IL31RA: variants seen among roughly 807,000 people sequenced by gnomAD.
IL31RA encodes interleukin-31 receptor subunit alpha.
Under a neutral mutation model 83.7 loss-of-function variants are expected in IL31RA, and 66 were observed. The observed-to-expected ratio is 0.79, with a 90% CI of 0.65 to 0.97. The LOEUF is 0.97. Among genes scored for constraint, IL31RA ranks in the 50% least tolerant of loss-of-function variants. The probability of loss-of-function intolerance (pLI) is 0.00; values close to 1 mark genes in which losing one functional copy is unlikely to be tolerated. For synonymous variants in IL31RA, 325 were observed against 329.0 expected, an observed-to-expected ratio of 0.99 and a Z score of 0.13; for missense variants, 798 against 919.4, an observed-to-expected ratio of 0.87 and a Z score of 1.71.
rs115526426 is a variant in IL31RA, at chr5:55,902,109, C to A, written c.1069+1977C>A. ...TCAGGTATTGGCACACTGCAGCTTG[C>A]AGGTTAAATCTGGTTGGACACTTGT... On this transcript the variant is annotated intron_variant, in intron 8 of 14. Coordinates refer to ENST00000652347, the MANE Select transcript of IL31RA (RefSeq NM_139017.7). 4.9e-3 allele frequency among the ~76,000 whole-genome samples: 746 copies of A among 152,218 alleles called. 12 individuals carry two copies. Among genetic ancestry groups the A allele is most frequent in the African/African-American group, 0.017 (714 of 41,530 alleles).
chr5:55,841,396 AT>A, the IL31RA span, among the ~76,000 whole-genome samples: 1 of 152,238 alleles, frequency 6.6e-6, no homozygotes, highest in Non-Finnish European at 1.5e-5. Context: ...ATCAGGGATC[AT>A]TTGGTTGCAA....
rs769003360 is a variant in IL31RA, at chr5:55,883,070, C to T, written c.481C>T (p.Arg161Cys). 19 of 1,613,876 alleles carry T rather than the reference C, an allele frequency of 1.2e-5. No individual in the cohort carries two copies. Among genetic ancestry groups the T allele is most frequent in the South Asian group, 2.2e-5 (2 of 91,078 alleles). The change falls in exon 5 of 15, where the codon CGT becomes TGT. Residue 161 changes from arginine to cysteine, a missense_variant. Coordinates refer to ENST00000652347, the MANE Select transcript of IL31RA (RefSeq NM_139017.7). ...GAAAACTGAACCACCTAAGATTTTCCGTGTGAAACCAGTTTTGGGCATCAA... is the reference window on the plus strand; with the variant it reads ...GAAAACTGAACCACCTAAGATTTTCTGTGTGAAACCAGTTTTGGGCATCAA... ...IAKTEPPKIFRVKPVLGIKRM... is the reference protein window; with the variant it reads ...IAKTEPPKIFCVKPVLGIKRM...
At chr5:55,851,300 TA>T, upstream of IL31RA, 1 of 529,574 alleles carries the variant, frequency 1.9e-6, no homozygotes. Context: ...CTAATAACAG[TA>T]CTATGACTCA....
rs1749700264 is a variant in IL31RA at position 55,914,898 on chromosome 5, T to TTGGC, written c.1788_1789insTGGC (p.Ile597TrpfsTer9). On this transcript the variant is annotated frameshift_variant, in exon 14 of 15. Coordinates refer to ENST00000652347, the MANE Select transcript of IL31RA (RefSeq NM_139017.7). LOFTEE classifies it low-confidence loss of function (END_TRUNC). The stretch of plus-strand genomic sequence containing the variant: ...CCGTTCCCAACCCTGCTGAAAGTAG[T>TTGGC]ATAGCCACATGGCATGGAGATGATT... The TTGGC allele has an allele frequency of 6.2e-7, 1 of 1,613,382 alleles. No homozygotes were observed. Among genetic ancestry groups the TTGGC allele is most frequent in the African/African-American group, 1.3e-5 (1 of 74,918 alleles).
rs1745170314 is a variant in IL31RA, at chr5:55,853,413, A to C, written c.63+1780A>C. 7.6e-6 allele frequency: 11 copies of C among 1,441,116 alleles called. 1 individual carries two copies. In the South Asian group the frequency reaches 1.7e-4, roughly 23 times the overall value. The allele number at this position is 1,441,116 out of a possible 1,614,324, so 89.3% of individuals were successfully genotyped here. On this transcript the variant is annotated intron_variant, in intron 1 of 14. Coordinates refer to ENST00000652347, the MANE Select transcript of IL31RA (RefSeq NM_139017.7). Reference sequence around the variant, plus strand: ...AAAAGCACAAGAAAAGCTCGCAGACAATCAGAGTGGAAACACTCCCACATC... The same window carrying C: ...AAAAGCACAAGAAAAGCTCGCAGACCATCAGAGTGGAAACACTCCCACATC...
In IL31RA at chr5:55,906,157, T is replaced by C. The variant is rs1228923393; in HGVS notation, c.1121T>C (p.Val374Ala). The change falls in exon 9 of 15, where the codon GTG becomes GCG. Residue 374 changes from valine to alanine, a missense_variant. By Grantham distance (64) the Val-to-Ala change is moderately conservative (BLOSUM62 0). Coordinates refer to ENST00000652347, the MANE Select transcript of IL31RA (RefSeq NM_139017.7). ...MQACVAEDQL[V>A]VKWQSSALDV... The stretch of plus-strand genomic sequence containing the variant: ...GCCTGCGTTGCTGAGGACCAGCTAG[T>C]GGTGAAGTGGCAAAGCTCTGCTCTA... The C allele has an allele frequency of 3.7e-6, 6 of 1,613,708 alleles. No homozygotes were observed. Among genetic ancestry groups the C allele is most frequent in the Non-Finnish European group, 5.1e-6 (6 of 1,180,012 alleles).
chr5:55,908,974 A>G, intron 11 of IL31RA: 1 of 808,984 alleles, frequency 1.2e-6, no homozygotes, highest in Non-Finnish European at 1.6e-6. Flanking sequence ...TTGTGCAACC[A>G]TCACCACTAT....
In IL31RA at chr5:55,867,271, G is replaced by GTT. The variant is rs1746215856; in HGVS notation, c.155-1519_155-1518insTT. Among the ~76,000 whole-genome samples the GTT allele has an allele frequency of 1.1e-3, 121 of 109,056 alleles. 4 individuals are homozygous for GTT. Among genetic ancestry groups the GTT allele is most frequent in the Middle Eastern group, 9.2e-3 (2 of 218 alleles). 71.5% of individuals were successfully genotyped at this position (109,056 alleles called of 152,430 possible). A position where few individuals can be genotyped will look rare whatever the true frequency, so the allele number is the denominator to read the frequency against. On this transcript the variant is annotated intron_variant, in intron 2 of 14. Transcript: ENST00000652347. ...TGTGTGTGCGTGTGTTTGTGTGCGT[G>GTT]TGTGTGCATGTGTGTGTGCATGTGT... is the stretch of plus-strand genomic sequence containing the variant.
At chr5:55,878,728 A>AT (rs1282394599) in intron 4 of IL31RA, among the ~76,000 whole-genome samples, 1 of 151,884 alleles carries the variant, frequency 6.6e-6, no homozygotes, top group Non-Finnish European at 1.5e-5. Flanking sequence ...ATCATAGCTC[A>AT]TGGCAACCTC....
chr5:55,846,261 C>T, the IL31RA span, among the ~76,000 whole-genome samples: 1 of 152,280 alleles, frequency 6.6e-6, no homozygotes, highest in African/African-American at 2.4e-5. Context: ...AGATTTATGC[C>T]ATTTAAGCTC....
intron 7 of IL31RA, among the ~76,000 whole-genome samples, chr5:55,898,039 T>TGCTG (rs2112513129): frequency 1.3e-5 from 2 of 152,348 alleles, no homozygotes; most frequent in South Asian, 4.1e-4. Flanking sequence ...GCGGAGGCGG[T>TGCTG]GCTGCCGCCG....
At position 55,917,713 on chromosome 5, in the gene IL31RA, A is replaced by G. The variant is rs544982911; in HGVS notation, c.*593A>G. Among the ~76,000 whole-genome samples, 1 of 152,274 alleles carries G rather than the reference A, an allele frequency of 6.6e-6. No homozygotes were observed. The highest frequency in any genetic ancestry group is 1.5e-5 in the Non-Finnish European group (1 of 68,026). On this transcript the variant is annotated 3_prime_UTR_variant, in exon 15 of 15. Coordinates refer to ENST00000652347, the MANE Select transcript of IL31RA (RefSeq NM_139017.7). Reference sequence around the variant, plus strand: ...ATCCTCTTAGATCTCAAGTGCCTGTAGCAACACCGCACCTGAGAATCCTCA... The same window carrying G: ...ATCCTCTTAGATCTCAAGTGCCTGTGGCAACACCGCACCTGAGAATCCTCA...
intron 3 of IL31RA, 59 bp downstream of exon 3, chr5:55,868,967 T>C: frequency 1.1e-6 from 1 of 942,768 alleles, no homozygotes; most frequent in South Asian, 1.3e-5. Flanking sequence ...AGGCTTCTGA[T>C]TCATTCATGA....
Position 55,922,525 on chromosome 5 carries a change from C to T in IL31RA, c.*5405C>T. ...CCAACTAGGAAGACTGAATCTGTGG[C>T]CCCAAGAGAACCATCTCTGAAGACT... On this transcript the variant is annotated 3_prime_UTR_variant, in exon 15 of 15. Coordinates refer to ENST00000652347, the MANE Select transcript of IL31RA (RefSeq NM_139017.7). The T allele has an allele frequency of 9.1e-7, 1 of 1,099,208 alleles. No homozygotes were observed. Among genetic ancestry groups the T allele is most frequent in the South Asian group, 1.5e-5 (1 of 67,710 alleles). 68.1% of individuals were successfully genotyped at this position (1,099,208 alleles called of 1,614,324 possible).
intron 12 of IL31RA, among the ~76,000 whole-genome samples, chr5:55,912,523 G>A (rs965106335): frequency 2.8e-4 from 42 of 152,210 alleles, no homozygotes; most frequent in African/African-American, 1.0e-3. Flanking sequence ...CTGTCTGGAC[G>A]CAGTGGCTCA....
intron 5 of IL31RA, among the ~76,000 whole-genome samples, chr5:55,889,434 G>A (rs1395558119): frequency 6.6e-6 from 1 of 152,182 alleles, no homozygotes; most frequent in Non-Finnish European, 1.5e-5. Flanking sequence ...TGAAAGATTT[G>A]GGTAAAACGA....
At chr5:55,867,238 T>TGTGTTTGTGTGTGC (rs1746196048) in intron 2 of IL31RA, among the ~76,000 whole-genome samples, 1 of 115,348 alleles carries the variant, frequency 8.7e-6, no homozygotes, top group African/African-American at 4.0e-5. Context: ...TGTGTTTGTG[T>TGTGTTTGTGTGTGC]GTGTGTTTGT....
intron 5 of IL31RA, among the ~76,000 whole-genome samples, chr5:55,888,092 T>C (rs1306558281): frequency 6.6e-6 from 1 of 152,074 alleles, no homozygotes; most frequent in Non-Finnish European, 1.5e-5. Context: ...TTAGGTTTTG[T>C]ATCAGAACTT....
chr5:55,906,412 G>A, intron 9 of IL31RA, 124 bp downstream of exon 9: 1 of 947,960 alleles, frequency 1.1e-6, no homozygotes, highest in Non-Finnish European at 1.7e-6. Flanking sequence ...TCAAGCTTGT[G>A]CAAGCTTAAT....
Sources: gnomAD v4.1 joint callset for allele counts (sites outside exome capture counted in the v4.1 genomes callset) on GRCh38, gnomAD v4.1.1 for gene constraint, MANE v1.5 for transcripts, NCBI Gene and HGNC (gene_info 2026-07-23, HGNC 2026-07-21) for gene names.